Variants in ELAC2 observed in about 807,000 individuals in gnomAD.
ELAC2 encodes elaC ribonuclease Z 2.
A neutral mutation model predicts 105.2 loss-of-function variants in ELAC2; 92 were observed. That is an observed-to-expected ratio of 0.87 (90% CI 0.74 to 1.04). The LOEUF (loss-of-function observed/expected upper bound fraction) is 1.04. Ranked by LOEUF, ELAC2 falls within the 50% of genes least tolerant of loss-of-function variation. The probability of loss-of-function intolerance (pLI) is 0.00; values close to 1 mark genes in which losing one functional copy is unlikely to be tolerated. For missense variants in ELAC2, 1,099 were observed against 1,071.7 expected, an observed-to-expected ratio of 1.03 and a Z score of -0.36; for synonymous variants, 468 against 409.1, an observed-to-expected ratio of 1.14 and a Z score of -1.74.
rs1255864187 is a variant in ELAC2 at position 13,000,272 on chromosome 17, T to G, written c.1307A>C (p.Asp436Ala). 1 of 1,613,614 alleles carries G rather than the reference T, an allele frequency of 6.2e-7. No individual in the cohort carries two copies. The highest frequency in any genetic ancestry group is 2.2e-5 in the East Asian group (1 of 44,798). The change falls in exon 15 of 24, where the codon GAT (aspartate) becomes GCT (alanine). Residue 436 changes from aspartate (D) to alanine (A), a missense_variant and splice_region_variant. Asp to Ala is a moderately radical substitution (Grantham distance 126). Coordinates refer to ENST00000338034, the MANE Select transcript of ELAC2 (RefSeq NM_018127.7). ...CTCAGGATTGCAAGTAATAATGGCATCCCTGCAGGAAGAGAGAGAAGCATC... is the reference window on the plus strand; with the variant it reads ...CTCAGGATTGCAAGTAATAATGGCAGCCCTGCAGGAAGAGAGAGAAGCATC... ...QLRPRREWQR[D>A]AIITCNPEEF...
intron 1 of ELAC2, 192 bp from the exon 2 acceptor site, chr17:13,017,313 G>A (rs1474629202): frequency 8.9e-6 from 6 of 671,766 alleles, no homozygotes; most frequent in Non-Finnish European, 1.5e-5. Context: ...AGAGGAGTGG[G>A]GGCCTGTGTG....
Position 12,992,119 on chromosome 17 carries a change from C to CTGA in ELAC2, c.*696_*698dup, listed in dbSNP as rs1555570662. Reference sequence around the variant, plus strand: ...TGACACCAGCCCAGCCAGGCTCTCACTGATTGATTTGATTGATTGATTGAT... The same window carrying CTGA: ...TGACACCAGCCCAGCCAGGCTCTCACTGATGATTGATTTGATTGATTGATTGAT... On this transcript the variant is annotated 3_prime_UTR_variant, in exon 24 of 24. Transcript: ENST00000338034. Among the ~76,000 whole-genome samples the CTGA allele has an allele frequency of 9.0e-5, 13 of 144,540 alleles. No homozygotes were observed. Among genetic ancestry groups the CTGA allele is most frequent in the East Asian group, 1.9e-4 (1 of 5,158 alleles). The allele number at this position is 144,540 out of a possible 152,430, so 94.8% of individuals were successfully genotyped here.
intron 10 of ELAC2, 23 bp from the exon 11 acceptor site, chr17:13,005,124 C>A: frequency 6.5e-7 from 1 of 1,550,134 alleles, no homozygotes; most frequent in South Asian, 1.1e-5. Flanking sequence ...ATAAGCCCGC[C>A]CACTGGGGGT....
At chr17:13,000,450 T>C (rs928412781) in intron 14 of ELAC2, 176 bp from the exon 15 acceptor site, 4 of 673,158 alleles carry the variant, frequency 5.9e-6, no homozygotes, top group Admixed American at 2.1e-5. Context: ...GCCTTTTGGA[T>C]GCTGCATCGC....
Position 12,992,770 on chromosome 17 carries a change from G to A in ELAC2, c.*48C>T, listed in dbSNP as rs1341845584. 1.9e-6 allele frequency: 3 copies of A among 1,605,606 alleles called. No individual in the cohort carries two copies. The highest frequency in any genetic ancestry group is 1.3e-5 in the African/African-American group (1 of 74,898). On this transcript the variant is annotated 3_prime_UTR_variant, in exon 24 of 24. Transcript: ENST00000338034. ...AAGGAGGGCAGATACGGGTGCGTGC[G>A]TGGGGCAGAAGACACACAGCCTTCT...
At chr17:12,993,932 G>A in intron 22 of ELAC2, 101 bp from the exon 23 acceptor site, 1 of 1,561,828 alleles carries the variant, frequency 6.4e-7, no homozygotes, top group Non-Finnish European at 8.7e-7. Flanking sequence ...GGGCACCCGG[G>A]GAAGCTGGTG....
At position 13,017,949 on chromosome 17, in the gene ELAC2, C is replaced by G. The variant is rs1031933124; in HGVS notation, c.-2G>C. On this transcript the variant is annotated 5_prime_UTR_variant, in exon 1 of 24. Coordinates refer to ENST00000338034, the MANE Select transcript of ELAC2 (RefSeq NM_018127.7). Reference sequence around the variant, plus strand: ...CAGCAGCGAGCAAAGCGCCCACATGCGCCCGTCTCCACCAAAACTGAGAAA... The same window carrying G: ...CAGCAGCGAGCAAAGCGCCCACATGGGCCCGTCTCCACCAAAACTGAGAAA... 5 of 1,536,386 alleles carry G rather than the reference C, an allele frequency of 3.3e-6. No homozygotes were observed. Among genetic ancestry groups the G allele is most frequent in the Middle Eastern group, 4.2e-4 (2 of 4,792 alleles).
chr17:13,013,079 A>T lies in ELAC2; in HGVS notation c.559+128T>A, dbSNP rs983935487. The T allele has an allele frequency of 3.0e-5, 33 of 1,082,458 alleles. No homozygotes were observed. The Middle Eastern group carries it at 5.9e-4, about 19-fold the overall frequency. The allele number at this position is 1,082,458 out of a possible 1,614,324, so 67.1% of individuals were successfully genotyped here. On this transcript the variant is annotated intron_variant, in intron 6 of 23. Transcript: ENST00000338034. ...GAGCCATATCTTCATTCCTCAACTAAATTTTCTAATCATGCTCAGAACACA... is the reference window on the plus strand; with the variant it reads ...GAGCCATATCTTCATTCCTCAACTATATTTTCTAATCATGCTCAGAACACA...
intron 8 of ELAC2, 102 bp downstream of exon 8, chr17:13,010,511 A>T: frequency 1.9e-6 from 2 of 1,045,562 alleles, no homozygotes; most frequent in Non-Finnish European, 3.0e-6. Flanking sequence ...TTCTTGTCTC[A>T]GGTAACAGGA....
intron 16 of ELAC2, among the ~76,000 whole-genome samples, chr17:12,997,836 A>T (rs1448895791): frequency 6.6e-6 from 1 of 152,218 alleles, no homozygotes; most frequent in Non-Finnish European, 1.5e-5. Context: ...CATTTGACTA[A>T]TCTCTCTGCT....
chr17:13,017,586 G>T lies in ELAC2; in HGVS notation c.245+117C>A, dbSNP rs1452250784. On this transcript the variant is annotated intron_variant, in intron 1 of 23. Transcript: ENST00000338034. ...ACCCACCATAACTCCACGAACCCCC[G>T]CAACAGTGAACCACATGTGTGAAGC... 7 of 1,542,430 alleles carry T rather than the reference G, an allele frequency of 4.5e-6. No individual in the cohort carries two copies. In the South Asian group the frequency reaches 7.1e-5, roughly 16 times the overall value.
At chr17:12,998,587 G>A (rs1052575755) in intron 15 of ELAC2, 79 bp from the exon 16 acceptor site, 2 of 1,305,092 alleles carry the variant, frequency 1.5e-6, no homozygotes, top group South Asian at 1.2e-5. Context: ...AAGGTGCAAT[G>A]GTTTGAGTGT....
chr17:12,991,846 A>AACTTACTT lies in ELAC2; in HGVS notation c.*964_*971dup, dbSNP rs374351010. On this transcript the variant is annotated 3_prime_UTR_variant, in exon 24 of 24. Transcript: ENST00000338034. ...AATATACACAATAAATACTAGATTC[A>AACTTACTT]ACTTACTTACTTACTTACTTACTTT... 4.0e-4 allele frequency among the ~76,000 whole-genome samples: 61 copies of AACTTACTT among 151,462 alleles called. No individual in the cohort carries two copies. In the South Asian group the frequency reaches 4.4e-3, roughly 11 times the overall value.
At position 12,993,774 on chromosome 17, in the gene ELAC2, C is replaced by G. The variant is rs747933914; in HGVS notation, c.2166G>C (p.Leu722=). ...GMRMNAEFIM[L]NHFSQRYAKV... ...TGGCATAGCGCTGGCTGAAGTGGTTCAGCATAATGAACTCCGCGTTCATCC... is the reference window on the plus strand; with the variant it reads ...TGGCATAGCGCTGGCTGAAGTGGTTGAGCATAATGAACTCCGCGTTCATCC... Residue 722 remains leucine, a synonymous_variant, in exon 23 of 24, where the codon CTG becomes CTC. Transcript: ENST00000338034. 5 of 1,614,138 alleles carry G rather than the reference C, an allele frequency of 3.1e-6. No homozygotes were observed. In the Middle Eastern group the frequency reaches 4.9e-4, roughly 160 times the overall value.
intron 15 of ELAC2, among the ~76,000 whole-genome samples, chr17:12,999,645 G>C (rs1390709981): frequency 6.8e-6 from 1 of 147,090 alleles, no homozygotes; most frequent in Non-Finnish European, 1.5e-5. Flanking sequence ...GATTGGGTGG[G>C]ATGGGGCACA....
rs186912268 is a variant in ELAC2 at position 12,991,804 on chromosome 17, C to T, written c.*1014G>A. ...TGAGTTTTTAAAGCTCTTCTTTTTA[C>T]ATTCTCCTGGGTAGGGAATATACAC... On this transcript the variant is annotated 3_prime_UTR_variant, in exon 24 of 24. Transcript: ENST00000338034. 2.0e-5 allele frequency among the ~76,000 whole-genome samples: 3 copies of T among 152,186 alleles called. No individual in the cohort carries two copies. The highest frequency in any genetic ancestry group is 7.2e-5 in the African/African-American group (3 of 41,492).
At chr17:13,016,774 G>T in intron 3 of ELAC2, 88 bp downstream of exon 3, 2 of 1,135,762 alleles carry the variant, frequency 1.8e-6, no homozygotes, top group Non-Finnish European at 2.6e-6. Flanking sequence ...AAAAGTAGCT[G>T]CCCACCCCAG....
At chr17:12,996,118 C>A (rs2040456666) in intron 17 of ELAC2, 140 bp from the exon 18 acceptor site, 23 of 925,954 alleles carry the variant, frequency 2.5e-5, no homozygotes, top group Non-Finnish European at 3.7e-5. Flanking sequence ...GTGGGGGTGG[C>A]ACAGGCCGAG....
chr17:12,994,571 G>C, intron 21 of ELAC2, 68 bp from the exon 22 acceptor site: 1 of 1,601,622 alleles, frequency 6.2e-7, no homozygotes, highest in South Asian at 1.1e-5. Flanking sequence ...TCAGTCACGT[G>C]CTGTTTCCTG....
Sources: allele counts gnomAD v4.1 joint callset (sites outside exome capture counted in the v4.1 genomes callset), GRCh38; gene constraint gnomAD v4.1.1; transcripts MANE v1.5; gene names NCBI Gene and HGNC (gene_info 2026-07-23, HGNC 2026-07-21).